CD209: variants seen among roughly 807,000 people sequenced by gnomAD.
The protein encoded by CD209 is CD209 molecule.
A neutral mutation model predicts 44.7 loss-of-function variants in CD209; 31 were observed. The observed-to-expected ratio is 0.69, with a 90% CI of 0.52 to 0.94. The LOEUF is 0.94. Among genes scored for constraint, CD209 ranks in the 40% least tolerant of loss-of-function variants. CD209 has a pLI of 0.00. For synonymous variants in CD209, 173 were observed against 181.3 expected (o/e 0.95, Z 0.37); for missense variants, 407 against 452.4 (o/e 0.90, Z 0.91).
chr19:7,744,811 C>A (rs2033744444), intron 5 of CD209, 130 bp downstream of exon 5: 6 of 1,296,000 alleles, frequency 4.6e-6, no homozygotes, highest in Non-Finnish European at 6.4e-6. Flanking sequence ...CTCCCTCATT[C>A]ATATCCTTCT....
Position 7,746,001 on chromosome 19 carries a change from C to T in CD209, c.265G>A (p.Gly89Ser). The T allele has an allele frequency of 6.2e-7, 1 of 1,614,250 alleles. No homozygotes were observed. Among genetic ancestry groups the T allele is most frequent in the Non-Finnish European group, 8.5e-7 (1 of 1,180,050 alleles). ...QNLTQLKAAVGELSEKSKLQE... is the reference protein window; with the variant it reads ...QNLTQLKAAVSELSEKSKLQE... ...AGCTTGGATTTCTCTGAGAGCTCAC[C>T]CACTGCAGCTTTAAGCTGGGTCAGG... Residue 89 changes from glycine (G) to serine (S), a missense_variant, in exon 4 of 7, where the codon GGT becomes AGT. Coordinates refer to ENST00000315599, the MANE Select transcript of CD209 (RefSeq NM_021155.4).
At chr19:7,743,680 A>G (rs2033694480) in intron 6 of CD209, among the ~76,000 whole-genome samples, 1 of 152,040 alleles carries the variant, frequency 6.6e-6, no homozygotes, top group Non-Finnish European at 1.5e-5. Flanking sequence ...AGAAACCATA[A>G]TAAAGGCTCT....
rs775655494 is a variant in CD209 at position 7,742,991 on chromosome 19, C to G, written c.*48G>C. On this transcript the variant is annotated 3_prime_UTR_variant, in exon 7 of 7. Coordinates refer to ENST00000315599, the MANE Select transcript of CD209 (RefSeq NM_021155.4). ...ACAGTCCCAGAGATTTTGTGAAGGT[C>G]GAAGGATGGAGAGAAGGAACTGTAG... is the stretch of plus-strand genomic sequence containing the variant. 3.5e-6 allele frequency: 5 copies of G among 1,419,184 alleles called. No individual in the cohort carries two copies. Among genetic ancestry groups the G allele is most frequent in the African/African-American group, 1.4e-5 (1 of 70,068 alleles). The allele number at this position is 1,419,184 out of a possible 1,614,324, so 87.9% of individuals were successfully genotyped here. A position where few individuals can be genotyped will look rare whatever the true frequency, so the allele number is the denominator to read the frequency against.
chr19:7,747,392 C>T (rs1466332342), intron 1 of CD209, 27 bp from the exon 2 acceptor site: 2 of 1,614,222 alleles, frequency 1.2e-6, no homozygotes, highest in Non-Finnish European at 8.5e-7. Context: ...GAAATCAGAG[C>T]CTGGGCAGGC....
chr19:7,744,822 C>G (rs2033744795), intron 5 of CD209, 119 bp downstream of exon 5: 3 of 1,380,524 alleles, frequency 2.2e-6, no homozygotes, highest in Non-Finnish European at 3.0e-6. Flanking sequence ...ATATCCTTCT[C>G]CTCCCTTCTT....
At position 7,742,895 on chromosome 19, in the gene CD209, G is replaced by A. The variant is rs1386673793; in HGVS notation, c.*144C>T. The A allele has an allele frequency of 2.4e-5, 17 of 700,746 alleles. No individual in the cohort carries two copies. Among genetic ancestry groups the A allele is most frequent in the Non-Finnish European group, 2.7e-5 (11 of 411,300 alleles). The allele number at this position is 700,746 out of a possible 1,614,324, so 43.4% of individuals were successfully genotyped here. A position where few individuals can be genotyped will look rare whatever the true frequency, so the allele number is the denominator to read the frequency against. The stretch of plus-strand genomic sequence containing the variant: ...CCAGAAAAACAAGCTCTACACCAGG[G>A]GAAATTGGAGGCATGACAAGAAGGA... On this transcript the variant is annotated 3_prime_UTR_variant, in exon 7 of 7. Transcript: ENST00000315599.
rs2033590700 is a variant in CD209, at chr19:7,740,940, G to A, written c.*2099C>T. Reference sequence around the variant, plus strand: ...CCTTGGATTTCAGAGTCATGGAGAAGGATGGAGTTAATTGTCCCTTCTACA... The same window carrying A: ...CCTTGGATTTCAGAGTCATGGAGAAAGATGGAGTTAATTGTCCCTTCTACA... On this transcript the variant is annotated 3_prime_UTR_variant, in exon 7 of 7. Coordinates refer to ENST00000315599, the MANE Select transcript of CD209 (RefSeq NM_021155.4). The A allele has an allele frequency of 2.8e-6, 2 of 720,846 alleles. No individual in the cohort carries two copies. The highest frequency in any genetic ancestry group is 3.1e-5 in the South Asian group (2 of 65,172). 44.7% of individuals were successfully genotyped at this position (720,846 alleles called of 1,614,324 possible). A position where few individuals can be genotyped will look rare whatever the true frequency, so the allele number is the denominator to read the frequency against.
At chr19:7,746,598 T>C (rs1186043424) in intron 2 of CD209, 67 bp from the exon 3 acceptor site, 2 of 1,514,740 alleles carry the variant, frequency 1.3e-6, no homozygotes, top group East Asian at 2.3e-5. Flanking sequence ...GAGAGCCTGG[T>C]CTAAATCCCT....
Position 7,741,930 on chromosome 19 carries a change from G to A in CD209, c.*1109C>T, listed in dbSNP as rs1463152982. ...AGAAATGGGGAATCCGAAAGGAAAA[G>A]GAAGAAATCTCACTAGCACATGTCA... On this transcript the variant is annotated 3_prime_UTR_variant, in exon 7 of 7. Transcript: ENST00000315599. The A allele has an allele frequency of 7.2e-6, 3 of 417,860 alleles. No homozygotes were observed. The highest frequency in any genetic ancestry group is 1.4e-5 in the Non-Finnish European group (3 of 211,998). 25.9% of individuals were successfully genotyped at this position (417,860 alleles called of 1,614,324 possible).
rs1314097080 is a variant in CD209, at chr19:7,740,807, G to A, written c.*2232C>T. 12 of 731,088 alleles carry A rather than the reference G, an allele frequency of 1.6e-5. No homozygotes were observed. The highest frequency in any genetic ancestry group is 3.8e-5 in the Admixed American group (2 of 53,280). The allele number at this position is 731,088 out of a possible 1,614,324, so 45.3% of individuals were successfully genotyped here. ...AGCAGAGGAAAGAGAGAGAGGAGGA[G>A]GAACAGAAACGACAGAAGAAACAAA... On this transcript the variant is annotated 3_prime_UTR_variant, in exon 7 of 7. Transcript: ENST00000315599.
rs752252987 is a variant in CD209, at chr19:7,746,106, G to A, written c.179-19C>T. On this transcript the variant is annotated intron_variant, in intron 3 of 6. Coordinates refer to ENST00000315599, the MANE Select transcript of CD209 (RefSeq NM_021155.4). Reference sequence around the variant, plus strand: ...TTGGACACTGGGCCAAGAAAAAAAAGGAACTGCAATTATTAAACACCTACT... The same window carrying A: ...TTGGACACTGGGCCAAGAAAAAAAAAGAACTGCAATTATTAAACACCTACT... 5.0e-5 allele frequency: 80 copies of A among 1,612,842 alleles called. No homozygotes were observed. Among genetic ancestry groups the A allele is most frequent in the Non-Finnish European group, 6.4e-5 (75 of 1,179,488 alleles).
chr19:7,743,107 A>G lies in CD209; in HGVS notation c.1147T>C (p.Ser383Pro), dbSNP rs1305258256. The G allele has an allele frequency of 6.2e-7, 1 of 1,614,216 alleles. No homozygotes were observed. The highest frequency in any genetic ancestry group is 1.1e-5 in the South Asian group (1 of 91,088). Residue 383 changes from serine (S) to proline (P), a missense_variant, in exon 7 of 7, where the codon TCC becomes CCC. This residue lies in a region of CD209 where 200 missense variants were observed against 202.2 expected (regional missense o/e 0.99). Coordinates refer to ENST00000315599, the MANE Select transcript of CD209 (RefSeq NM_021155.4). ...AACTGTTCTTCATCCCTGGAGCAGG[A>G]GGCTGCGGACTTTTTGCAGATCCAG... ...KFWICKKSAASCSRDEEQFLS... is the reference protein window; with the variant it reads ...KFWICKKSAAPCSRDEEQFLS...
At position 7,743,228 on chromosome 19, in the gene CD209, A is replaced by G. The variant is rs2146315895; in HGVS notation, c.1026T>C (p.Tyr342=). Residue 342 remains tyrosine (Y), a synonymous_variant, in exon 7 of 7, where the codon TAT becomes TAC. Transcript: ENST00000315599. ...GSPLLPSFKQ[Y]WNRGEPNNVG... Reference sequence around the variant, plus strand: ...CGTTGTTGGGCTCTCCTCTGTTCCAATACTGCTTGAAGCTGCAAAGCCCAT... The same window carrying G: ...CGTTGTTGGGCTCTCCTCTGTTCCAGTACTGCTTGAAGCTGCAAAGCCCAT... 6.2e-7 allele frequency: 1 copy of G among 1,613,968 alleles called. No homozygotes were observed. The highest frequency in any genetic ancestry group is 8.5e-7 in the Non-Finnish European group (1 of 1,179,902).
In CD209 at chr19:7,741,660, G is replaced by A. The variant is rs1317635662; in HGVS notation, c.*1379C>T. ...ACGGACGATGGTATGTACGCAGGAC[G>A]ACAGCTTCAGTGTGAATTCTGCCCA... On this transcript the variant is annotated 3_prime_UTR_variant, in exon 7 of 7. Transcript: ENST00000315599. The A allele has an allele frequency of 4.6e-6, 4 of 868,048 alleles. No homozygotes were observed. The East Asian group carries it at 1.1e-4, about 23-fold the overall frequency. 53.8% of individuals were successfully genotyped at this position (868,048 alleles called of 1,614,324 possible). A position where few individuals can be genotyped will look rare whatever the true frequency, so the allele number is the denominator to read the frequency against.
At position 7,747,357 on chromosome 19, in the gene CD209, G is replaced by C; in HGVS notation, c.55C>G (p.Gln19Glu). ...TGTCGGAATCCAAGGCCTCTCAGCT[G>C]TTCCTCCTCTGAATGGATAGACGTG... Reference protein sequence around the residue: ...LQQLGLLEEEQLRGLGFRQTR... With the variant: ...LQQLGLLEEEELRGLGFRQTR... The change falls in exon 2 of 7, where the codon CAG becomes GAG. Residue 19 changes from glutamine (Q) to glutamate (E), a missense_variant. Physicochemically the swap from Gln to Glu is conservative, Grantham distance 29. Coordinates refer to ENST00000315599, the MANE Select transcript of CD209 (RefSeq NM_021155.4). 1.2e-6 allele frequency: 2 copies of C among 1,614,236 alleles called. No homozygotes were observed. Among genetic ancestry groups the C allele is most frequent in the Non-Finnish European group, 1.7e-6 (2 of 1,180,034 alleles).
At position 7,742,739 on chromosome 19, in the gene CD209, G is replaced by A; in HGVS notation, c.*300C>T. The A allele has an allele frequency of 2.2e-6, 1 of 444,746 alleles. No homozygotes were observed. The highest frequency in any genetic ancestry group is 4.0e-5 in the East Asian group (1 of 24,780). The allele number at this position is 444,746 out of a possible 1,614,324, so 27.5% of individuals were successfully genotyped here. A position where few individuals can be genotyped will look rare whatever the true frequency, so the allele number is the denominator to read the frequency against. On this transcript the variant is annotated 3_prime_UTR_variant, in exon 7 of 7. Coordinates refer to ENST00000315599, the MANE Select transcript of CD209 (RefSeq NM_021155.4). The stretch of plus-strand genomic sequence containing the variant: ...TTGCATGTATAAGATAACGCCCCAG[G>A]GGACATAGCAGCTACACATGGCAAC...
Position 7,745,015 on chromosome 19 carries a change from T to C in CD209, c.826A>G (p.Asn276Asp), listed in dbSNP as rs202179938. ...NCYFMSNSQR[N>D]WHDSITACKE... ...CAGGCGGTGATGGAGTCGTGCCAGTTCCGCTGGGAGTTAGACATGAAGTAA... is the reference window on the plus strand; with the variant it reads ...CAGGCGGTGATGGAGTCGTGCCAGTCCCGCTGGGAGTTAGACATGAAGTAA... Residue 276 changes from asparagine to aspartate, a missense_variant, in exon 5 of 7, where the codon AAC (asparagine) becomes GAC (aspartate). Physicochemically the swap from Asn to Asp is conservative, Grantham distance 23. Transcript: ENST00000315599. 3 of 1,614,070 alleles carry C rather than the reference T, an allele frequency of 1.9e-6. No individual in the cohort carries two copies. The highest frequency in any genetic ancestry group is 1.7e-5 in the Admixed American group (1 of 60,010).
Position 7,744,239 on chromosome 19 carries a change from T to A in CD209, c.901-20A>T, listed in dbSNP as rs1599476741. The A allele has an allele frequency of 4.5e-6, 7 of 1,565,426 alleles. No homozygotes were observed. The highest frequency in any genetic ancestry group is 5.3e-6 in the Non-Finnish European group (6 of 1,136,414). On this transcript the variant is annotated intron_variant, in intron 5 of 6. Coordinates refer to ENST00000315599, the MANE Select transcript of CD209 (RefSeq NM_021155.4). ...GAAGTTCTGGAGGGTACAGGAGGAG[T>A]CAGGAGGGAGCTCTGCTTCCCATTT...
chr19:7,745,951 G>A lies in CD209; in HGVS notation c.315C>T (p.Thr105=), dbSNP rs747973993. 1 of 1,613,890 alleles carries A rather than the reference G, an allele frequency of 6.2e-7. No homozygotes were observed. The highest frequency in any genetic ancestry group is 1.1e-5 in the South Asian group (1 of 91,064). The change falls in exon 4 of 7, where the codon ACC becomes ACT. Residue 105 remains threonine, a synonymous_variant. Coordinates refer to ENST00000315599, the MANE Select transcript of CD209 (RefSeq NM_021155.4). ...SKLQEIYQEL[T]QLKAAVGELP... Reference sequence around the variant, plus strand: ...GCTCACCCACTGCAGCCTTCAGCTGGGTCAGCTCCTGGTAGATCTCCTGCA... The same window carrying A: ...GCTCACCCACTGCAGCCTTCAGCTGAGTCAGCTCCTGGTAGATCTCCTGCA...
Sources: allele counts gnomAD v4.1 joint callset (sites outside exome capture counted in the v4.1 genomes callset), GRCh38; gene constraint gnomAD v4.1.1; regional missense constraint gnomAD v4.1.1; transcripts MANE v1.5; gene names NCBI Gene and HGNC (gene_info 2026-07-23, HGNC 2026-07-21).